LHFPL3: variants seen among roughly 807,000 people sequenced by gnomAD.
LHFPL3 encodes LHFPL tetraspan subfamily member 3 protein.
A neutral mutation model predicts 19.3 loss-of-function variants in LHFPL3; 5 were observed. The ratio of observed to expected loss-of-function variants is 0.26; its 90% CI spans 0.14 to 0.54. The LOEUF (loss-of-function observed/expected upper bound fraction) is 0.54. Ranked by LOEUF, LHFPL3 falls within the 20% of genes least tolerant of loss-of-function variation. LHFPL3 has a pLI of 0.94. For synonymous variants in LHFPL3, 133 were observed against 126.2 expected, an observed-to-expected ratio of 1.05 and a Z score of -0.36; for missense variants, 249 against 307.4, an observed-to-expected ratio of 0.81 and a Z score of 1.42.
At chr7:104,834,080 A>T (rs1791042714) in intron 2 of LHFPL3, among the ~76,000 whole-genome samples, 2 of 150,438 alleles carry the variant, frequency 1.3e-5, no homozygotes, top group South Asian at 4.2e-4. Flanking sequence ...GGCCAGTCTC[A>T]CCTTTTCACG....
In LHFPL3 at chr7:104,907,371, A is replaced by G. The variant is rs528923755; in HGVS notation, c.*1156A>G. 9 of 152,318 alleles carry G rather than the reference A, an allele frequency of 5.9e-5. No individual in the cohort carries two copies. The highest frequency in any genetic ancestry group is 4.1e-4 in the South Asian group (2 of 4,822). 9.4% of individuals were successfully genotyped at this position (152,318 alleles called of 1,614,324 possible). A position where few individuals can be genotyped will look rare whatever the true frequency, so the allele number is the denominator to read the frequency against. On this transcript the variant is annotated 3_prime_UTR_variant, in exon 3 of 3. Coordinates refer to ENST00000424859, the MANE Select transcript of LHFPL3 (RefSeq NM_199000.3). ...ACAGGTTGAAAAAAACTCGGTAGGA[A>G]TAAGTTACCTTTTTGTTTACTAATG... is the stretch of plus-strand genomic sequence containing the variant.
intron 2 of LHFPL3, among the ~76,000 whole-genome samples, chr7:104,802,594 A>T (rs957173532): frequency 6.6e-6 from 1 of 151,848 alleles, no homozygotes; most frequent in Non-Finnish European, 1.5e-5. Context: ...CTATAGGAAC[A>T]GGCACTGAAT....
At position 104,531,831 on chromosome 7, in the gene LHFPL3, C is replaced by A. The variant is rs891667151; in HGVS notation, c.445+202607C>A. ...CTCATTCTTCCATGGGGCTCTCCTC[C>A]TGGTGGTTTTGTCAAGGTGCTGGGG... On this transcript the variant is annotated intron_variant, in intron 1 of 2. Coordinates refer to ENST00000424859, the MANE Select transcript of LHFPL3 (RefSeq NM_199000.3). Among the ~76,000 whole-genome samples the A allele has an allele frequency of 5.3e-5, 8 of 152,212 alleles. No homozygotes were observed. The South Asian group carries it at 1.2e-3, about 24-fold the overall frequency.
chr7:104,427,573 GC>G (rs2116548149), intron 1 of LHFPL3, among the ~76,000 whole-genome samples: 1 of 152,296 alleles, frequency 6.6e-6, no homozygotes, highest in Admixed American at 6.5e-5. Context: ...TTTAAAAGAT[GC>G]AAACCACATA....
chr7:104,387,160 C>CAGCAACA (rs1452138113), intron 1 of LHFPL3, among the ~76,000 whole-genome samples: 1 of 152,104 alleles, frequency 6.6e-6, no homozygotes, highest in African/African-American at 2.4e-5. Flanking sequence ...AAATAGAGGA[C>CAGCAACA]AGCAACAAAC....
chr7:104,809,638 G>T (rs1314874862), intron 2 of LHFPL3, among the ~76,000 whole-genome samples: 3 of 152,046 alleles, frequency 2.0e-5, no homozygotes, highest in Non-Finnish European at 2.9e-5. Context: ...AAATAATTTT[G>T]TATCATATAA....
intron 1 of LHFPL3, among the ~76,000 whole-genome samples, chr7:104,648,769 G>A (rs1028942417): frequency 6.6e-6 from 1 of 152,168 alleles, no homozygotes; most frequent in Non-Finnish European, 1.5e-5. Context: ...AGTCCTATCT[G>A]GAAAACAAGG....
intron 1 of LHFPL3, among the ~76,000 whole-genome samples, chr7:104,376,088 A>G (rs913881391): frequency 3.9e-5 from 6 of 152,210 alleles, no homozygotes; most frequent in African/African-American, 1.4e-4. Context: ...AATATGTAGG[A>G]TTCATGCCTT....
At chr7:104,672,833 C>T (rs144880772) in intron 1 of LHFPL3, among the ~76,000 whole-genome samples, 189 of 152,174 alleles carry the variant, frequency 1.2e-3, no homozygotes, top group African/African-American at 4.3e-3. Flanking sequence ...TTGGTCGATC[C>T]CCAGGAATGG....
At chr7:104,475,890 A>G (rs910574200) in intron 1 of LHFPL3, among the ~76,000 whole-genome samples, 2 of 152,196 alleles carry the variant, frequency 1.3e-5, no homozygotes, top group African/African-American at 4.8e-5. Flanking sequence ...AAAATTTATC[A>G]AACGATGATT....
chr7:104,361,480 A>G (rs1790390489), intron 1 of LHFPL3, among the ~76,000 whole-genome samples: 1 of 152,174 alleles, frequency 6.6e-6, no homozygotes, highest in African/African-American at 2.4e-5. Context: ...TTGCTTTTGA[A>G]CTTTTCCATC....
chr7:104,735,445 A>G (rs1047150857), intron 1 of LHFPL3, among the ~76,000 whole-genome samples: 3 of 152,134 alleles, frequency 2.0e-5, no homozygotes, highest in African/African-American at 4.8e-5. Flanking sequence ...CCTAGCTGCC[A>G]CCTTGCAGTT....
At chr7:104,577,195 C>T (rs1336020526) in intron 1 of LHFPL3, among the ~76,000 whole-genome samples, 1 of 152,104 alleles carries the variant, frequency 6.6e-6, no homozygotes, top group Non-Finnish European at 1.5e-5. Flanking sequence ...TTCTTGCCTT[C>T]AGGAGAGGGA....
chr7:104,756,280 T>A (rs1375163118), intron 2 of LHFPL3, among the ~76,000 whole-genome samples: 2 of 152,194 alleles, frequency 1.3e-5, no homozygotes, highest in Admixed American at 6.6e-5. Flanking sequence ...ACTGAACCTT[T>A]GATAGCTTAT....
intron 1 of LHFPL3, among the ~76,000 whole-genome samples, chr7:104,519,960 G>A (rs1340465416): frequency 6.6e-6 from 1 of 152,058 alleles, no homozygotes; most frequent in Non-Finnish European, 1.5e-5. Context: ...CTTGGTGAAT[G>A]TTAAGTTATC....
chr7:104,444,023 G>A (rs1792278906), intron 1 of LHFPL3, among the ~76,000 whole-genome samples: 1 of 152,228 alleles, frequency 6.6e-6, no homozygotes, highest in Admixed American at 6.5e-5. Context: ...TTTGCAAATT[G>A]GCACAGCCTT....
chr7:104,459,062 G>T (rs922104185), intron 1 of LHFPL3, among the ~76,000 whole-genome samples: 1 of 152,242 alleles, frequency 6.6e-6, no homozygotes. Flanking sequence ...CATAGCACCA[G>T]GACCTCTGGG....
chr7:104,868,031 C>A (rs1480455951), intron 2 of LHFPL3, among the ~76,000 whole-genome samples: 400 of 138,902 alleles, frequency 2.9e-3, no homozygotes, highest in South Asian at 5.1e-3. Flanking sequence ...TTCAACAACC[C>A]TTCATGCTAA....
chr7:104,418,881 A>C (rs1791675820), intron 1 of LHFPL3, among the ~76,000 whole-genome samples: 1 of 152,234 alleles, frequency 6.6e-6, no homozygotes, highest in Admixed American at 6.5e-5. Flanking sequence ...TGTGTCAGGC[A>C]CCGTGCTAAG....
Sources: gnomAD v4.1 joint callset for allele counts (sites outside exome capture counted in the v4.1 genomes callset) on GRCh38, gnomAD v4.1.1 for gene constraint, MANE v1.5 for transcripts, NCBI Gene and HGNC (gene_info 2026-07-23, HGNC 2026-07-21) for gene names.